Variants in THSD7B observed in about 807,000 individuals in gnomAD.
THSD7B encodes thrombospondin type 1 domain containing 7B.
In THSD7B, 138 loss-of-function variants were observed where a neutral mutation model predicts 213.6. That is an observed-to-expected ratio of 0.65 (90% CI 0.56 to 0.74). The LOEUF is 0.74. Ranked by LOEUF, THSD7B falls within the 30% of genes least tolerant of loss-of-function variation. The pLI is 0.00. For missense variants in THSD7B, 1,931 were observed against 1,991.5 expected, an observed-to-expected ratio of 0.97 and a Z score of 0.58; for synonymous variants, 742 against 687.0, an observed-to-expected ratio of 1.08 and a Z score of -1.25.
chr2:137,624,684 CAAA>C (rs762561127), intron 20 of THSD7B, among the ~76,000 whole-genome samples: 5 of 152,158 alleles, frequency 3.3e-5, no homozygotes, highest in Non-Finnish European at 7.3e-5. Flanking sequence ...AGACACTTCT[CAAA>C]AGAAGATATT....
chr2:137,260,370 A>C (rs1029545444), intron 10 of THSD7B, among the ~76,000 whole-genome samples: 1 of 152,158 alleles, frequency 6.6e-6, no homozygotes, highest in African/African-American at 2.4e-5. Context: ...GTATGTGGGC[A>C]TGGGTATAGT....
intron 2 of THSD7B, among the ~76,000 whole-genome samples, chr2:137,030,496 G>A (rs891842157): frequency 5.3e-5 from 8 of 152,006 alleles, no homozygotes; most frequent in East Asian, 1.9e-4. Context: ...ACACTTTAAC[G>A]TTGCCAGGTA....
At chr2:137,160,113 A>G (rs1679986638) in intron 5 of THSD7B, 100 bp from the exon 6 acceptor site, 9 of 1,311,304 alleles carry the variant, frequency 6.9e-6, no homozygotes, top group South Asian at 5.0e-5. Flanking sequence ...CTTTTTAACT[A>G]TAATGTTTTA....
intron 12 of THSD7B, among the ~76,000 whole-genome samples, chr2:137,402,934 G>T (rs140391008): frequency 6.6e-6 from 1 of 151,716 alleles, no homozygotes; most frequent in East Asian, 1.9e-4. Flanking sequence ...AACTTGGCAA[G>T]ATAAAAGTTC....
intron 12 of THSD7B, among the ~76,000 whole-genome samples, chr2:137,328,688 G>A (rs1427737936): frequency 1.3e-5 from 2 of 152,158 alleles, no homozygotes; most frequent in African/African-American, 4.8e-5. Flanking sequence ...TTGAATTGTA[G>A]TTCCCATAAT....
chr2:137,215,190 C>G (rs1276507814), intron 7 of THSD7B, among the ~76,000 whole-genome samples: 1 of 152,098 alleles, frequency 6.6e-6, no homozygotes, highest in Non-Finnish European at 1.5e-5. Context: ...CCAGTGATGA[C>G]GAGCTCTTTT....
intron 9 of THSD7B, among the ~76,000 whole-genome samples, chr2:137,236,334 G>A (rs1681762473): frequency 6.6e-6 from 1 of 152,150 alleles, no homozygotes; most frequent in Non-Finnish European, 1.5e-5. Context: ...TTGTGTCCCT[G>A]GGTTGGTGTT....
intron 1 of THSD7B, among the ~76,000 whole-genome samples, chr2:136,862,617 G>T (rs1161084384): frequency 3.9e-5 from 6 of 152,264 alleles, no homozygotes; most frequent in Admixed American, 3.9e-4. Flanking sequence ...ATCATCAACT[G>T]GGGAGTGAAT....
At chr2:137,242,417 C>T (rs770860071) in intron 9 of THSD7B, 40 bp from the exon 10 acceptor site, 3 of 1,502,562 alleles carry the variant, frequency 2.0e-6, no homozygotes, top group Non-Finnish European at 2.8e-6. Flanking sequence ...ACGGCTTAGT[C>T]TCTCAAAAAG....
At chr2:136,820,386 A>G (rs987018642) in intron 1 of THSD7B, among the ~76,000 whole-genome samples, 2 of 152,224 alleles carry the variant, frequency 1.3e-5, no homozygotes, top group Non-Finnish European at 2.9e-5. Context: ...AAACAAAGCC[A>G]TATCACCTGC....
At chr2:137,434,040 T>A (rs1001011792) in intron 14 of THSD7B, among the ~76,000 whole-genome samples, 3 of 152,196 alleles carry the variant, frequency 2.0e-5, no homozygotes, top group African/African-American at 7.2e-5. Flanking sequence ...TCCCAAAATT[T>A]GATAAGCATG....
intron 2 of THSD7B, chr2:136,906,698 G>A (rs1034167433): frequency 1.3e-5 from 2 of 152,136 alleles, no homozygotes; most frequent in Admixed American, 1.3e-4. Flanking sequence ...GACTCTGCAT[G>A]AAGAATGGAA....
chr2:137,260,901 A>G (rs1290309121), intron 10 of THSD7B, among the ~76,000 whole-genome samples: 3 of 151,822 alleles, frequency 2.0e-5, no homozygotes, highest in Non-Finnish European at 4.4e-5. Context: ...TAATTCGGTC[A>G]TTTTTTTCAC....
chr2:137,103,919 T>G (rs1688197193), intron 4 of THSD7B, among the ~76,000 whole-genome samples: 2 of 152,086 alleles, frequency 1.3e-5, no homozygotes, highest in African/African-American at 4.8e-5. Context: ...AGACTTAGAC[T>G]CCCACACAAT....
intron 15 of THSD7B, among the ~76,000 whole-genome samples, chr2:137,480,167 G>A (rs1688275157): frequency 6.6e-6 from 1 of 152,068 alleles, no homozygotes; most frequent in Non-Finnish European, 1.5e-5. Context: ...TTCAAAGTGT[G>A]ATTATCTACT....
chr2:137,625,396 G>T (rs1467119703), intron 20 of THSD7B, among the ~76,000 whole-genome samples: 1 of 151,474 alleles, frequency 6.6e-6, no homozygotes, highest in African/African-American at 2.4e-5. Context: ...AATGGGTGCA[G>T]CACACCAACA....
At chr2:137,508,965 G>A (rs10928614) in intron 15 of THSD7B, among the ~76,000 whole-genome samples, 77,366 of 151,836 alleles carry the variant, frequency 0.51, 19,984 homozygotes, top group East Asian at 0.7. Context: ...GTTAAGCAGC[G>A]CTCCAAGAAG....
intron 14 of THSD7B, among the ~76,000 whole-genome samples, chr2:137,442,183 T>C (rs1337543725): frequency 6.6e-6 from 1 of 152,100 alleles, no homozygotes; most frequent in South Asian, 2.1e-4. Context: ...TTTTAAATAA[T>C]AAATTATATA....
intron 2 of THSD7B, among the ~76,000 whole-genome samples, chr2:137,048,994 T>C (rs1687016010): frequency 6.6e-6 from 1 of 152,220 alleles, no homozygotes; most frequent in South Asian, 2.1e-4. Context: ...TCCATTTAAC[T>C]GATGCAAAAC....
Sources: allele counts gnomAD v4.1 joint callset (sites outside exome capture counted in the v4.1 genomes callset), GRCh38; gene constraint gnomAD v4.1.1; transcripts MANE v1.5; gene names NCBI Gene and HGNC (gene_info 2026-07-23, HGNC 2026-07-21).